Variants in ERBB4 observed in about 807,000 individuals in gnomAD.
The protein encoded by ERBB4 is receptor tyrosine-protein kinase erbB-4.
Under a neutral mutation model 158.0 loss-of-function variants are expected in ERBB4, and 42 were observed. That is an observed-to-expected ratio of 0.27 (90% CI 0.21 to 0.34). ERBB4 has a LOEUF of 0.34. Among genes scored for constraint, ERBB4 ranks in the 10% least tolerant of loss-of-function variants. The pLI is 1.00. For missense variants in ERBB4, 1,333 were observed against 1,624.1 expected, an observed-to-expected ratio of 0.82 and a Z score of 3.08; for synonymous variants, 583 against 558.7, an observed-to-expected ratio of 1.04 and a Z score of -0.61.
intron 1 of ERBB4, among the ~76,000 whole-genome samples, chr2:212,386,153 T>A (rs116448707): frequency 6.6e-6 from 1 of 151,872 alleles, no homozygotes; most frequent in Non-Finnish European, 1.5e-5. Context: ...AAAAATACAC[T>A]TTTTTGTATT....
At chr2:211,505,241 A>G (rs1386024751) in intron 20 of ERBB4, among the ~76,000 whole-genome samples, 4 of 152,078 alleles carry the variant, frequency 2.6e-5, no homozygotes, top group African/African-American at 9.7e-5. Context: ...CCCTCAGACT[A>G]ACAACAAATT....
At chr2:212,217,068 A>G (rs2083123135) in intron 1 of ERBB4, among the ~76,000 whole-genome samples, 1 of 151,470 alleles carries the variant, frequency 6.6e-6, no homozygotes, top group South Asian at 2.1e-4. Flanking sequence ...GTAGCATCAG[A>G]CAATTAGCAA....
intron 1 of ERBB4, among the ~76,000 whole-genome samples, chr2:212,143,371 G>T (rs2080549756): frequency 6.6e-6 from 1 of 152,016 alleles, no homozygotes; most frequent in African/African-American, 2.4e-5. Flanking sequence ...TTACAAAGCA[G>T]TTTTTTCCTG....
chr2:211,819,438 G>A (rs921576487), intron 3 of ERBB4, among the ~76,000 whole-genome samples: 1 of 151,978 alleles, frequency 6.6e-6, no homozygotes, highest in African/African-American at 2.4e-5. Context: ...AATAGTAAAA[G>A]CTTTAGTCTG....
intron 5 of ERBB4, among the ~76,000 whole-genome samples, chr2:211,730,649 T>C (rs1158318530): frequency 6.6e-6 from 1 of 152,064 alleles, no homozygotes. Context: ...GACTTTTTAA[T>C]AAGCCCATTT....
chr2:211,490,083 G>A (rs984422194), intron 20 of ERBB4, among the ~76,000 whole-genome samples: 7 of 152,024 alleles, frequency 4.6e-5, no homozygotes, highest in Non-Finnish European at 8.8e-5. Context: ...TATTAAAGAA[G>A]CTTCACATAG....
chr2:211,501,099 A>C (rs1232084650), intron 20 of ERBB4, among the ~76,000 whole-genome samples: 1 of 142,450 alleles, frequency 7.0e-6, no homozygotes, highest in Non-Finnish European at 1.5e-5. Flanking sequence ...ATAAATAAAA[A>C]GATAAGTATC....
intron 2 of ERBB4, among the ~76,000 whole-genome samples, chr2:211,999,682 A>G (rs1020538097): frequency 4.6e-5 from 7 of 151,774 alleles, no homozygotes; most frequent in African/African-American, 1.4e-4. Flanking sequence ...AACTAAATTA[A>G]TTGTAGCTAC....
At chr2:212,061,732 C>G (rs180695107) in intron 2 of ERBB4, among the ~76,000 whole-genome samples, 1 of 145,944 alleles carries the variant, frequency 6.9e-6, no homozygotes, top group African/African-American at 2.5e-5. Context: ...TTCCTTTTTT[C>G]TTTTCTTTTT....
intron 1 of ERBB4, among the ~76,000 whole-genome samples, chr2:212,169,626 T>C (rs1023938674): frequency 1.3e-5 from 2 of 152,146 alleles, no homozygotes; most frequent in African/African-American, 4.8e-5. Flanking sequence ...CTGAAATGGT[T>C]TGGCTCTGTG....
intron 4 of ERBB4, among the ~76,000 whole-genome samples, chr2:211,761,546 T>G (rs1455709520): frequency 6.6e-6 from 1 of 152,236 alleles, no homozygotes; most frequent in Admixed American, 6.5e-5. Flanking sequence ...ATACGTAGCA[T>G]GTTTCTAGTC....
intron 1 of ERBB4, among the ~76,000 whole-genome samples, chr2:212,293,015 G>A (rs935289920): frequency 4.6e-5 from 7 of 151,962 alleles, no homozygotes; most frequent in African/African-American, 1.7e-4. Context: ...GTATAAATGA[G>A]AAGAAGCTAT....
intron 2 of ERBB4, among the ~76,000 whole-genome samples, chr2:212,079,617 T>A (rs2078376324): frequency 6.6e-6 from 1 of 152,068 alleles, no homozygotes; most frequent in Non-Finnish European, 1.5e-5. Flanking sequence ...CATGAACAAA[T>A]TTAGATGGTA....
chr2:211,653,036 T>C (rs2071059973), intron 16 of ERBB4, among the ~76,000 whole-genome samples: 1 of 152,158 alleles, frequency 6.6e-6, no homozygotes, highest in Non-Finnish European at 1.5e-5. Flanking sequence ...TCAAATATTC[T>C]ATTCTATCAG....
chr2:211,777,198 A>T (rs2075901370), intron 4 of ERBB4: 2 of 152,190 alleles, frequency 1.3e-5, no homozygotes, highest in Admixed American at 6.5e-5. Flanking sequence ...ATGTCCTTCA[A>T]GCATGATATA....
At chr2:211,993,366 C>G (rs1030838655) in intron 2 of ERBB4, among the ~76,000 whole-genome samples, 11 of 152,266 alleles carry the variant, frequency 7.2e-5, no homozygotes, top group African/African-American at 2.6e-4. Context: ...CAGGAGACAC[C>G]TACTCTGTGG....
intron 1 of ERBB4, among the ~76,000 whole-genome samples, chr2:212,145,288 A>G: frequency 6.6e-6 from 1 of 152,184 alleles, no homozygotes; most frequent in Non-Finnish European, 1.5e-5. Context: ...AGACATAGCT[A>G]GACTAGTGGT....
intron 4 of ERBB4, among the ~76,000 whole-genome samples, chr2:211,773,393 AT>A (rs2075765347): frequency 1.3e-5 from 2 of 150,970 alleles, no homozygotes; most frequent in South Asian, 4.2e-4. Flanking sequence ...ATACAAATGA[AT>A]TTTTTATATA....
In ERBB4 at chr2:211,944,189, A is replaced by AGTGTG. The variant is rs754185285; in HGVS notation, c.421+3240_421+3241insCACAC. On this transcript the variant is annotated intron_variant, in intron 3 of 27. Transcript: ENST00000342788. The stretch of plus-strand genomic sequence containing the variant: ...CTATATATATATACTATATATATAT[A>AGTGTG]TATATATATACTATATATATATATA... Among the ~76,000 whole-genome samples the AGTGTG allele has an allele frequency of 3.9e-5, 2 of 51,726 alleles. 1 individual carries two copies. Among genetic ancestry groups the AGTGTG allele is most frequent in the Admixed American group, 3.5e-4 (2 of 5,770 alleles). 33.9% of individuals were successfully genotyped at this position (51,726 alleles called of 152,430 possible).
Sources: gnomAD v4.1 joint callset for allele counts (sites outside exome capture counted in the v4.1 genomes callset) on GRCh38, gnomAD v4.1.1 for gene constraint, MANE v1.5 for transcripts, NCBI Gene and HGNC (gene_info 2026-07-23, HGNC 2026-07-21) for gene names.